Variants in ZGRF1 observed in about 807,000 individuals in gnomAD.
ZGRF1 encodes 5'-3' DNA helicase ZGRF1.
In ZGRF1, 196 loss-of-function variants were observed where a neutral mutation model predicts 203.5. That is an observed-to-expected ratio of 0.96 (90% CI 0.86 to 1.08). The LOEUF is 1.08. Ranked by LOEUF, ZGRF1 falls within the 50% of genes least tolerant of loss-of-function variation. The pLI, the probability that ZGRF1 is intolerant of heterozygous loss-of-function variation, is 0.00. For missense variants in ZGRF1, 2,326 were observed against 2,416.3 expected (o/e 0.96, Z 0.78); for synonymous variants, 809 against 841.3 (o/e 0.96, Z 0.66).
At chr4:112,617,363 C>T in intron 6 of ZGRF1, 77 bp downstream of exon 6, 1 of 1,063,934 alleles carries the variant, frequency 9.4e-7, no homozygotes, top group Non-Finnish European at 1.4e-6. Flanking sequence ...AATGTATCAC[C>T]CAGAGCTAAT....
intron 8 of ZGRF1, among the ~76,000 whole-genome samples, chr4:112,609,064 T>C (rs1751194388): frequency 6.6e-6 from 1 of 152,078 alleles, no homozygotes; most frequent in African/African-American, 2.4e-5. Context: ...CTAATTTTTT[T>C]TTTTTTTGAG....
At position 112,558,116 on chromosome 4, in the gene ZGRF1, A is replaced by T. The variant is rs759709020; in HGVS notation, c.5120+34T>A. The T allele has an allele frequency of 5.1e-6, 8 of 1,581,480 alleles. No individual in the cohort carries two copies. The South Asian group carries it at 9.3e-5, about 18-fold the overall frequency. ...TTGCCTCTCTCAACAATATCCCAAA[A>T]CATTAGCTACTTAAATGCACTTGTC... On this transcript the variant is annotated intron_variant, in intron 20 of 27. Transcript: ENST00000505019.
intron 11 of ZGRF1, among the ~76,000 whole-genome samples, chr4:112,588,905 T>C (rs1047830199): frequency 6.6e-6 from 1 of 152,206 alleles, no homozygotes; most frequent in Non-Finnish European, 1.5e-5. Flanking sequence ...AAAAGATTCA[T>C]GGTATAACTG....
intron 4 of ZGRF1, among the ~76,000 whole-genome samples, chr4:112,623,583 T>C (rs1428704338): frequency 6.6e-6 from 1 of 152,186 alleles, no homozygotes; most frequent in African/African-American, 2.4e-5. Context: ...TTACTTAACC[T>C]TTCTGCACTG....
At chr4:112,622,950 C>G (rs1420515838) in intron 4 of ZGRF1, among the ~76,000 whole-genome samples, 1 of 152,114 alleles carries the variant, frequency 6.6e-6, no homozygotes, top group Admixed American at 6.5e-5. Flanking sequence ...CATTATTTTT[C>G]CTGATCCTCT....
At chr4:112,573,479 G>C (rs1183683032) in intron 16 of ZGRF1, among the ~76,000 whole-genome samples, 1 of 152,026 alleles carries the variant, frequency 6.6e-6, no homozygotes, top group Non-Finnish European at 1.5e-5. Context: ...GATAGGTGTA[G>C]CAAAATCTCA....
intron 16 of ZGRF1, among the ~76,000 whole-genome samples, chr4:112,581,370 T>G (rs890216918): frequency 1.4e-4 from 21 of 151,424 alleles, no homozygotes; most frequent in Non-Finnish European, 1.0e-4. Flanking sequence ...ATGGCACATG[T>G]ATACACATGT....
At chr4:112,555,167 C>G (rs1259692678) in intron 20 of ZGRF1, among the ~76,000 whole-genome samples, 1 of 152,164 alleles carries the variant, frequency 6.6e-6, no homozygotes, top group African/African-American at 2.4e-5. Context: ...CACTACAGCT[C>G]CAGATGATAT....
intron 16 of ZGRF1, among the ~76,000 whole-genome samples, chr4:112,571,102 CAAA>C (rs11423362): frequency 1.6e-5 from 2 of 121,696 alleles, no homozygotes; most frequent in Non-Finnish European, 1.8e-5. Context: ...GACTGCATTT[CAAA>C]AAAAAAAAAA....
intron 15 of ZGRF1, among the ~76,000 whole-genome samples, chr4:112,583,501 A>G (rs1004504819): frequency 5.9e-5 from 9 of 152,218 alleles, no homozygotes; most frequent in African/African-American, 2.2e-4. Context: ...GGGAGCCGAA[A>G]TAACTTTAAA....
intron 22 of ZGRF1, among the ~76,000 whole-genome samples, chr4:112,552,989 C>G (rs1740240738): frequency 6.6e-6 from 1 of 152,346 alleles, no homozygotes; most frequent in African/African-American, 2.4e-5. Context: ...TACCCATAGC[C>G]TCAAGCCAAG....
rs1737442988 is a variant in ZGRF1 at position 112,540,930 on chromosome 4, T to A, written c.5801A>T (p.Asn1934Ile). ...GAGTGTAAACGTAGCTTCTGCCACATTATGAAAGCTGTTATCTCTTTCTAT... is the reference window on the plus strand; with the variant it reads ...GAGTGTAAACGTAGCTTCTGCCACAATATGAAAGCTGTTATCTCTTTCTAT... ...EQIERDNSFH[N>I]VAEATFTLKL... is the part of the protein sequence containing the mutation. Residue 1934 changes from asparagine to isoleucine, a missense_variant, in exon 26 of 28, where the codon AAT (asparagine) becomes ATT (isoleucine). Physicochemically the swap from Asn to Ile is moderately radical, Grantham distance 149. Transcript: ENST00000505019. The A allele has an allele frequency of 6.4e-7, 1 of 1,574,006 alleles. No individual in the cohort carries two copies. Among genetic ancestry groups the A allele is most frequent in the African/African-American group, 1.3e-5 (1 of 74,186 alleles).
chr4:112,589,371 G>A (rs150469096), intron 11 of ZGRF1, among the ~76,000 whole-genome samples: 3 of 152,292 alleles, frequency 2.0e-5, no homozygotes, highest in African/African-American at 4.8e-5. Context: ...CAATGGTGTT[G>A]ATGAGACACT....
Position 112,554,771 on chromosome 4 carries a change from A to T in ZGRF1, c.5132T>A (p.Leu1711His). 6.6e-7 allele frequency: 1 copy of T among 1,525,306 alleles called. No individual in the cohort carries two copies. 94.5% of individuals were successfully genotyped at this position (1,525,306 alleles called of 1,614,324 possible). Residue 1711 changes from leucine (L) to histidine (H), a missense_variant, in exon 21 of 28, where the codon CTT becomes CAT. Coordinates refer to ENST00000505019, the MANE Select transcript of ZGRF1 (RefSeq NM_018392.5). ...VDRVLLGLLS[L>H]GFENFIRVGS... ...AACTCTGATAAAGTTTTCAAATCCA[A>T]GACTGAGAAGCCTTTAAATAAGAAA...
Position 112,581,684 on chromosome 4 carries a change from T to C in ZGRF1, c.4417A>G (p.Arg1473Gly). The change falls in exon 16 of 28, where the codon AGA becomes GGA. Residue 1473 changes from arginine to glycine, a missense_variant. Transcript: ENST00000505019. ...TTACTTTTGCTATAAGCTGAAGATC[T>C]TTCCTTCCGACTTAGCTTAAGATAA... ...KLYLKLSRKE[R>G]SSAYSKNDLW... is the part of the protein sequence containing the mutation. 6.3e-7 allele frequency: 1 copy of C among 1,580,772 alleles called. No homozygotes were observed. The highest frequency in any genetic ancestry group is 8.6e-7 in the Non-Finnish European group (1 of 1,168,258).
At chr4:112,552,420 T>C (rs1000269817) in intron 22 of ZGRF1, among the ~76,000 whole-genome samples, 5 of 152,144 alleles carry the variant, frequency 3.3e-5, no homozygotes, top group Non-Finnish European at 7.3e-5. Flanking sequence ...GAGCAATAGA[T>C]CATAGTAACT....
intron 18 of ZGRF1, 176 bp from the exon 19 acceptor site, chr4:112,561,171 G>A: frequency 1.7e-6 from 1 of 588,144 alleles, no homozygotes; most frequent in Non-Finnish European, 3.0e-6. Context: ...TATCGAGGAG[G>A]GTAGAAGAGA....
At position 112,609,408 on chromosome 4, in the gene ZGRF1, C is replaced by A; in HGVS notation, c.2689G>T (p.Glu897Ter). Residue 897 changes from glutamate (E) to a stop codon, truncating the protein, a stop_gained, in exon 8 of 28, where the codon GAA (glutamate) becomes TAA (stop). Coordinates refer to ENST00000505019, the MANE Select transcript of ZGRF1 (RefSeq NM_018392.5). LOFTEE classifies it high-confidence loss of function. ...ACAGACTGAAGTGGTTCACTTAGTT[C>A]AACTTCATCTTCTTTTAGTATCTTA... ...SQQILKEDEV[E>*]LSEPLQSVQF... is the part of the protein sequence containing the mutation. The A allele has an allele frequency of 1.3e-6, 2 of 1,564,300 alleles. No homozygotes were observed. The highest frequency in any genetic ancestry group is 1.1e-5 in the South Asian group (1 of 89,006).
In ZGRF1 at chr4:112,618,316, A is replaced by G. The variant is rs2046953276; in HGVS notation, c.1726T>C (p.Ser576Pro). 3 of 1,613,686 alleles carry G rather than the reference A, an allele frequency of 1.9e-6. No individual in the cohort carries two copies. In the South Asian group the frequency reaches 3.3e-5, roughly 18 times the overall value. Residue 576 changes from serine (S) to proline (P), a missense_variant, in exon 6 of 28, where the codon TCT becomes CCT. Ser to Pro is a moderately conservative substitution (Grantham distance 74). Transcript: ENST00000505019. ...NDGNSCFQKR[S>P]ENTNCEEIEG... is the part of the protein sequence containing the mutation. ...ATCTCTTCACAGTTTGTATTCTCAG[A>G]CCTCTTTTGAAAACATGAATTGCCA...
Sources: gnomAD v4.1 joint callset for allele counts (sites outside exome capture counted in the v4.1 genomes callset) on GRCh38, gnomAD v4.1.1 for gene constraint, MANE v1.5 for transcripts, NCBI Gene and HGNC (gene_info 2026-07-23, HGNC 2026-07-21) for gene names.